SP140L: variants seen among roughly 807,000 people sequenced by gnomAD.
SP140L encodes nuclear body protein SP140-like protein.
Under a neutral mutation model 84.3 loss-of-function variants are expected in SP140L, and 64 were observed. The observed-to-expected ratio is 0.76, with a 90% CI of 0.62 to 0.94. The LOEUF (loss-of-function observed/expected upper bound fraction) is 0.94. SP140L is among the 40% of genes least tolerant of loss of function. SP140L has a pLI of 0.00. For synonymous variants in SP140L, 242 were observed against 236.9 expected, an observed-to-expected ratio of 1.02 and a Z score of -0.20; for missense variants, 628 against 692.5, an observed-to-expected ratio of 0.91 and a Z score of 1.05.
intron 5 of SP140L, among the ~76,000 whole-genome samples, chr2:230,363,763 G>A (rs918340597): frequency 1.3e-5 from 2 of 151,992 alleles, no homozygotes; most frequent in East Asian, 3.8e-4. Context: ...ATGTCATGGA[G>A]CTTTTCCCCT....
At chr2:230,354,254 G>A (rs1396739661) in intron 2 of SP140L, among the ~76,000 whole-genome samples, 1 of 152,138 alleles carries the variant, frequency 6.6e-6, no homozygotes, top group African/African-American at 2.4e-5. Flanking sequence ...ATCAATCAAT[G>A]TGATTCACCA....
At chr2:230,331,702 G>A (rs141011408) in intron 2 of SP140L, among the ~76,000 whole-genome samples, 1 of 152,124 alleles carries the variant, frequency 6.6e-6, no homozygotes, top group East Asian at 1.9e-4. Flanking sequence ...TTAGTGCTAG[G>A]CATTTTAAAA....
chr2:230,400,850 T>C, intron 15 of SP140L, 105 bp from the exon 16 acceptor site: 11 of 1,563,686 alleles, frequency 7.0e-6, no homozygotes, highest in Non-Finnish European at 8.7e-6. Context: ...CTCCCTCCCA[T>C]GACTGAGCCC....
At chr2:230,336,424 C>T (rs1180675602) in intron 2 of SP140L, among the ~76,000 whole-genome samples, 1 of 152,174 alleles carries the variant, frequency 6.6e-6, no homozygotes, top group African/African-American at 2.4e-5. Context: ...TTGCTTTTAG[C>T]TACCTGCAAG....
chr2:230,343,436 G>A lies in SP140L; in HGVS notation c.108-14369G>A, dbSNP rs150317189. On this transcript the variant is annotated intron_variant, in intron 2 of 18. Coordinates refer to ENST00000415673, the MANE Select transcript of SP140L (RefSeq NM_138402.6). ...TCTTGTTCCTATTTATGGGTGCATA[G>A]TATTCCATGGTGTATGTGTACCACA... is the stretch of plus-strand genomic sequence containing the variant. Among the ~76,000 whole-genome samples, 195 of 147,974 alleles carry A rather than the reference G, an allele frequency of 1.3e-3. 15 individuals are homozygous for A. Among genetic ancestry groups the A allele is most frequent in the African/African-American group, 4.7e-3 (189 of 40,132 alleles).
Position 230,327,295 on chromosome 2 carries a change from G to T in SP140L, c.26G>T (p.Ser9Ile). MAGGGSDLSTRGLNGGVSQ... is the reference protein window; with the variant it reads MAGGGSDLITRGLNGGVSQ... ...ATGGCAGGTGGGGGCAGCGACCTGA[G>T]CACCAGGTGAGTCTTTATCTCTCTT... is the stretch of plus-strand genomic sequence containing the variant. The change falls in exon 1 of 19, where the codon AGC becomes ATC. Residue 9 changes from serine to isoleucine, a missense_variant. Around this residue, in one of 4 missense-constraint regions of SP140L, gnomAD observed 525 missense variants for 518.4 expected, o/e 1.01. Coordinates refer to ENST00000415673, the MANE Select transcript of SP140L (RefSeq NM_138402.6). 6.2e-7 allele frequency: 1 copy of T among 1,611,746 alleles called. No individual in the cohort carries two copies. The highest frequency in any genetic ancestry group is 8.5e-7 in the Non-Finnish European group (1 of 1,178,972).
At chr2:230,370,995 G>C in intron 6 of SP140L, 28 bp downstream of exon 6, 1 of 1,608,476 alleles carries the variant, frequency 6.2e-7, no homozygotes, top group East Asian at 2.2e-5. Context: ...CTGTGGGATG[G>C]GGTGGCTCAG....
intron 7 of SP140L, among the ~76,000 whole-genome samples, chr2:230,382,784 TG>T (rs1470621010): frequency 6.6e-6 from 1 of 152,238 alleles, no homozygotes; most frequent in Non-Finnish European, 1.5e-5. Flanking sequence ...GATCCCTTTC[TG>T]GGGACTGCTC....
chr2:230,386,057 A>G (rs1259213013), intron 9 of SP140L, among the ~76,000 whole-genome samples: 1 of 152,124 alleles, frequency 6.6e-6, no homozygotes, highest in Non-Finnish European at 1.5e-5. Flanking sequence ...CATCAAGTCC[A>G]CTGCAAGGGA....
rs1424050020 is a variant in SP140L, at chr2:230,403,588, C to A, written c.*692C>A. 2 of 152,300 alleles carry A rather than the reference C, an allele frequency of 1.3e-5. No individual in the cohort carries two copies. Among genetic ancestry groups the A allele is most frequent in the African/African-American group, 4.8e-5 (2 of 41,456 alleles). The allele number at this position is 152,300 out of a possible 1,614,324, so 9.4% of individuals were successfully genotyped here. ...TTCACTCTCCCACTTCTGTGGTCAA[C>A]TCCCTGCAGAACTCCCAAACTGCCG... On this transcript the variant is annotated 3_prime_UTR_variant, in exon 19 of 19. Transcript: ENST00000415673.
chr2:230,400,832 G>T, intron 15 of SP140L, 123 bp from the exon 16 acceptor site: 1 of 1,580,724 alleles, frequency 6.3e-7, no homozygotes, highest in South Asian at 1.1e-5. Context: ...ACTCTGGGAG[G>T]TGTTCCCCTC....
chr2:230,393,278 T>C (rs1337666879), intron 12 of SP140L, 136 bp from the exon 13 acceptor site: 2 of 899,834 alleles, frequency 2.2e-6, no homozygotes, highest in African/African-American at 3.6e-5. Flanking sequence ...AGGGAGATGG[T>C]TTCTCATTCA....
At chr2:230,374,259 T>C (rs1372850381) in intron 7 of SP140L, among the ~76,000 whole-genome samples, 1 of 149,762 alleles carries the variant, frequency 6.7e-6, no homozygotes, top group Non-Finnish European at 1.5e-5. Flanking sequence ...GAGGTTGCAC[T>C]GAGCAGAGGT....
At chr2:230,380,699 G>A (rs1191616492) in intron 7 of SP140L, among the ~76,000 whole-genome samples, 1 of 152,018 alleles carries the variant, frequency 6.6e-6, no homozygotes, top group Non-Finnish European at 1.5e-5. Flanking sequence ...CTTAATTTGG[G>A]TTTTTAAAAA....
chr2:230,385,652 G>T (rs937278846), intron 9 of SP140L, among the ~76,000 whole-genome samples: 1 of 152,140 alleles, frequency 6.6e-6, no homozygotes, highest in African/African-American at 2.4e-5. Context: ...CCTCCTCCTA[G>T]ATAAGTTATT....
intron 9 of SP140L, among the ~76,000 whole-genome samples, chr2:230,386,256 C>A (rs2061576715): frequency 6.6e-6 from 1 of 152,152 alleles, no homozygotes; most frequent in Non-Finnish European, 1.5e-5. Context: ...TCAACTCAAC[C>A]TACTTGCTTG....
At chr2:230,400,087 T>C (rs750102994) in intron 14 of SP140L, 40 bp from the exon 15 acceptor site, 44 of 1,610,396 alleles carry the variant, frequency 2.7e-5, no homozygotes, top group Non-Finnish European at 3.6e-5. Context: ...TTCCTGAATC[T>C]TGTGATTCCC....
chr2:230,330,401 G>A (rs1342026958), intron 2 of SP140L, among the ~76,000 whole-genome samples: 4 of 152,152 alleles, frequency 2.6e-5, no homozygotes, highest in African/African-American at 7.2e-5. Context: ...CTGCCGTAGC[G>A]ATGGAGGCTT....
chr2:230,357,914 C>T lies in SP140L; in HGVS notation c.217C>T (p.Pro73Ser), dbSNP rs1223889165. Residue 73 changes from proline (P) to serine (S), a missense_variant, in exon 3 of 19, where the codon CCA becomes TCA. Physicochemically the swap from Pro to Ser is moderately conservative, Grantham distance 74. Around this residue, in one of 4 missense-constraint regions of SP140L, gnomAD observed 525 missense variants for 518.4 expected, o/e 1.01. Transcript: ENST00000415673. Reference protein sequence around the residue: ...EISNAIKKTFPFLEGLRDREL... With the variant: ...EISNAIKKTFSFLEGLRDREL... ...ATCAAATGCAATAAAAAAGACATTTCCATTCCTTGAGGGCCTCCGCGATCG... is the reference window on the plus strand; with the variant it reads ...ATCAAATGCAATAAAAAAGACATTTTCATTCCTTGAGGGCCTCCGCGATCG... The T allele has an allele frequency of 1.2e-6, 2 of 1,613,898 alleles. No individual in the cohort carries two copies. The highest frequency in any genetic ancestry group is 4.5e-5 in the East Asian group (2 of 44,898).
Sources: gnomAD v4.1 joint callset for allele counts (sites outside exome capture counted in the v4.1 genomes callset) on GRCh38, gnomAD v4.1.1 for gene constraint, gnomAD v4.1.1 regional missense constraint, MANE v1.5 for transcripts, NCBI Gene and HGNC (gene_info 2026-07-23, HGNC 2026-07-21) for gene names.